Variants in TEX264 observed in about 807,000 individuals in gnomAD.
TEX264 encodes the protein testis-expressed protein 264.
TEX264 carries 13 observed loss-of-function variants against 23.4 expected under a neutral mutation model. The observed-to-expected ratio is 0.56, with a 90% CI of 0.36 to 0.88. The LOEUF (loss-of-function observed/expected upper bound fraction) is 0.88, where lower values mean the gene tolerates loss of function less well. Ranked by LOEUF, TEX264 falls within the 40% of genes least tolerant of loss-of-function variation. The pLI, the probability that TEX264 is intolerant of heterozygous loss-of-function variation, is 0.01. For synonymous variants in TEX264, 159 were observed against 170.0 expected (o/e 0.94, Z 0.50); for missense variants, 340 against 406.8 (o/e 0.84, Z 1.41).
chr3:51,688,398 T>C (rs1702701973), intron 3 of TEX264, among the ~76,000 whole-genome samples: 1 of 152,184 alleles, frequency 6.6e-6, no homozygotes, highest in Non-Finnish European at 1.5e-5. Flanking sequence ...TGTGGGATTG[T>C]GTGTGTAAGG....
chr3:51,674,240 C>T (rs1174923122), intron 1 of TEX264, 31 bp from the exon 2 acceptor site: 2 of 1,598,968 alleles, frequency 1.3e-6, no homozygotes, highest in African/African-American at 1.3e-5. Flanking sequence ...AGTAGGCTAC[C>T]AGCCTCCTCT....
rs570303770 is a variant in TEX264, at chr3:51,686,621, C to A, written c.480+1987C>A. 6.6e-6 allele frequency among the ~76,000 whole-genome samples: 1 copy of A among 151,868 alleles called. No individual in the cohort carries two copies. Among genetic ancestry groups the A allele is most frequent in the East Asian group, 1.9e-4 (1 of 5,148 alleles). ...TCCTTTGTGAGCTGGAGGGTGGTGG[C>A]CAAAAGGGGTGTGGGGCAGGATGTG... On this transcript the variant is annotated intron_variant, in intron 3 of 4. Coordinates refer to ENST00000341333, the MANE Select transcript of TEX264 (RefSeq NM_015926.6). This position sits in a 1 kb window ranked among gnomAD's most constrained non-coding sequence, Gnocchi z 4.1.
chr3:51,684,194 T>G, intron 2 of TEX264: 1 of 574,304 alleles, frequency 1.7e-6, no homozygotes, highest in Non-Finnish European at 3.1e-6. Context: ...GCATGTTTGT[T>G]GAAGGAATAG....
At chr3:51,702,567 A>C (rs955208253) in intron 4 of TEX264, among the ~76,000 whole-genome samples, 32 of 152,176 alleles carry the variant, frequency 2.1e-4, no homozygotes, top group Non-Finnish European at 3.7e-4. Flanking sequence ...GGCGCCAAGC[A>C]GACCCCAGCT....
At chr3:51,701,400 C>G (rs1703299445) in intron 4 of TEX264, among the ~76,000 whole-genome samples, 1 of 151,836 alleles carries the variant, frequency 6.6e-6, no homozygotes, top group Non-Finnish European at 1.5e-5. Context: ...TCTCGGCTCA[C>G]TGTAACCTTT....
intron 1 of TEX264, among the ~76,000 whole-genome samples, chr3:51,673,519 T>G (rs1002154983): frequency 6.6e-6 from 1 of 152,234 alleles, no homozygotes; most frequent in African/African-American, 2.4e-5. Flanking sequence ...TACTCACTGT[T>G]TCTTCTGTGG....
intron 3 of TEX264, among the ~76,000 whole-genome samples, chr3:51,689,787 A>C (rs777379993): frequency 6.6e-6 from 1 of 152,246 alleles, no homozygotes; most frequent in East Asian, 1.9e-4. Context: ...CTGTAACTGC[A>C]GTATGAGTGG....
intron 2 of TEX264, among the ~76,000 whole-genome samples, chr3:51,678,722 T>G (rs1415088259): frequency 6.6e-6 from 1 of 152,218 alleles, no homozygotes; most frequent in Non-Finnish European, 1.5e-5. Context: ...TTGGCTGGCA[T>G]GACCACAGCC....
chr3:51,678,758 T>C (rs1205542736), intron 2 of TEX264, among the ~76,000 whole-genome samples: 1 of 152,148 alleles, frequency 6.6e-6, no homozygotes, highest in Non-Finnish European at 1.5e-5. Context: ...AGAGTTCTGA[T>C]GTAGGCCTGT....
Position 51,699,565 on chromosome 3 carries a change from G to A in TEX264, c.640G>A (p.Asp214Asn). 1 of 1,613,962 alleles carries A rather than the reference G, an allele frequency of 6.2e-7. No homozygotes were observed. The highest frequency in any genetic ancestry group is 8.5e-7 in the Non-Finnish European group (1 of 1,179,872). ...TGTGGAGGCCATTGACACCCAGGTG[G>A]ATGGCACAGGTACAGAAGGTGGGGT... ...GLVEAIDTQVDGTGADTMSDT... is the reference protein window; with the variant it reads ...GLVEAIDTQVNGTGADTMSDT... Residue 214 changes from aspartate to asparagine, a missense_variant, in exon 4 of 5, where the codon GAT (aspartate) becomes AAT (asparagine). By Grantham distance (23) the Asp-to-Asn change is conservative. Transcript: ENST00000341333.
intron 3 of TEX264, among the ~76,000 whole-genome samples, chr3:51,694,832 C>G (rs1702994933): frequency 6.6e-6 from 1 of 152,260 alleles, no homozygotes; most frequent in Non-Finnish European, 1.5e-5. Context: ...GCTCTCCCTG[C>G]TGCTGTGGCA....
rs755538682 is a variant in TEX264, at chr3:51,703,936, C to T, written c.862C>T (p.Arg288Trp). 1.1e-5 allele frequency: 17 copies of T among 1,599,526 alleles called. No homozygotes were observed. The highest frequency in any genetic ancestry group is 6.6e-5 in the South Asian group (6 of 90,286). Residue 288 changes from arginine to tryptophan, a missense_variant, in exon 5 of 5, where the codon CGG becomes TGG. Physicochemically the swap from Arg to Trp is moderately radical, Grantham distance 101. Transcript: ENST00000341333. This position sits in a 1 kb window ranked among gnomAD's most constrained non-coding sequence, Gnocchi z 4.8. ...GGGCGAGGGGCCCTTAGGGGAGTCA[C>T]GGCTGGACCCTGGGACTGAGCCCCT... is the stretch of plus-strand genomic sequence containing the variant. ...LEGEGPLGES[R>W]LDPGTEPLGT...
intron 2 of TEX264, chr3:51,684,106 CT>C: frequency 2.5e-6 from 1 of 400,602 alleles, no homozygotes; most frequent in Non-Finnish European, 4.6e-6. Context: ...CCTCTCCGCC[CT>C]TCCCTCTCCT....
At chr3:51,694,781 A>AG (rs1291595926) in intron 3 of TEX264, among the ~76,000 whole-genome samples, 1 of 151,654 alleles carries the variant, frequency 6.6e-6, no homozygotes, top group Non-Finnish European at 1.5e-5. Flanking sequence ...GTGTGAGGGG[A>AG]GAGTAGAGAG....
chr3:51,690,205 C>A (rs1008734122), intron 3 of TEX264, among the ~76,000 whole-genome samples: 28 of 152,176 alleles, frequency 1.8e-4, no homozygotes, highest in Admixed American at 1.8e-3. Context: ...GCCAAAACAC[C>A]AGTGCAGAGC....
intron 2 of TEX264, among the ~76,000 whole-genome samples, chr3:51,677,412 CAGAGAA>C (rs1245827489): frequency 6.6e-6 from 1 of 152,114 alleles, no homozygotes; most frequent in East Asian, 1.9e-4. Context: ...CTCTGGTTCT[CAGAGAA>C]AGAGAATAGA....
At chr3:51,697,560 G>A (rs1559682857) in intron 3 of TEX264, among the ~76,000 whole-genome samples, 1 of 152,234 alleles carries the variant, frequency 6.6e-6, no homozygotes, top group Non-Finnish European at 1.5e-5. Flanking sequence ...ACTAGATTCA[G>A]GGATCCTTTT....
Position 51,684,408 on chromosome 3 carries a change from C to G in TEX264, c.259-5C>G. ...AACTCTCACACCCATGCTTTGCTTC[C>G]CCAGGTGCCCCCTGATAAGTGCCGA... On this transcript the variant is annotated splice_region_variant and splice_polypyrimidine_tract_variant and intron_variant, in intron 2 of 4. Transcript: ENST00000341333. The G allele has an allele frequency of 3.1e-6, 5 of 1,613,510 alleles. No homozygotes were observed. Among genetic ancestry groups the G allele is most frequent in the Non-Finnish European group, 4.2e-6 (5 of 1,179,482 alleles).
At chr3:51,678,081 G>GA (rs1317969948) in intron 2 of TEX264, among the ~76,000 whole-genome samples, 2 of 152,204 alleles carry the variant, frequency 1.3e-5, no homozygotes, top group Non-Finnish European at 2.9e-5. Flanking sequence ...GTCAGTCACA[G>GA]ATCTCCCTTA....
Sources: gnomAD v4.1 joint callset for allele counts (sites outside exome capture counted in the v4.1 genomes callset) on GRCh38, gnomAD v4.1.1 for gene constraint, Gnocchi (gnomAD v3.1) non-coding constraint, MANE v1.5 for transcripts, NCBI Gene and HGNC (gene_info 2026-07-23, HGNC 2026-07-21) for gene names.